TBC1D19: variants seen among roughly 807,000 people sequenced by gnomAD.
TBC1D19 encodes TBC1 domain family member 19, also known as TBC1 domain family, member 19.
TBC1D19 carries 60 observed loss-of-function variants against 89.0 expected under a neutral mutation model. The observed-to-expected ratio is 0.67, with a 90% CI of 0.55 to 0.84. The LOEUF is 0.84. Ranked by LOEUF, TBC1D19 falls within the 40% of genes least tolerant of loss-of-function variation. The probability of loss-of-function intolerance (pLI) is 0.00; values close to 1 mark genes in which losing one functional copy is unlikely to be tolerated. For synonymous variants in TBC1D19, 189 were observed against 199.7 expected, an observed-to-expected ratio of 0.95 and a Z score of 0.45; for missense variants, 500 against 610.8, an observed-to-expected ratio of 0.82 and a Z score of 1.91.
the TBC1D19 span, among the ~76,000 whole-genome samples, chr4:26,854,930 G>C: frequency 1.3e-5 from 2 of 152,106 alleles, no homozygotes; most frequent in African/African-American, 2.4e-5. Flanking sequence ...TGAAAAGTGC[G>C]GGCGAGTTTG....
At chr4:26,577,019 G>A (rs1738988051) in intron 1 of TBC1D19, among the ~76,000 whole-genome samples, 1 of 152,152 alleles carries the variant, frequency 6.6e-6, no homozygotes, top group Admixed American at 6.5e-5. Flanking sequence ...CATAATGTGG[G>A]TGGGACTCAT....
the TBC1D19 span, among the ~76,000 whole-genome samples, chr4:26,801,207 G>T: frequency 6.6e-6 from 1 of 152,130 alleles, no homozygotes; most frequent in African/African-American, 2.4e-5. Flanking sequence ...AAGGGATCCA[G>T]TTTCAGCTTT....
At chr4:26,793,839 C>G in the TBC1D19 span, among the ~76,000 whole-genome samples, 1 of 152,058 alleles carries the variant, frequency 6.6e-6, no homozygotes, top group African/African-American at 2.4e-5. Flanking sequence ...TAGCCTCTGA[C>G]AGTTCCGGAT....
the TBC1D19 span, among the ~76,000 whole-genome samples, chr4:26,776,987 A>G: frequency 6.6e-6 from 1 of 151,976 alleles, no homozygotes; most frequent in South Asian, 2.1e-4. Flanking sequence ...AAATTTTTTT[A>G]TTTCAAGAAC....
the TBC1D19 span, among the ~76,000 whole-genome samples, chr4:26,847,255 T>C: frequency 6.6e-6 from 1 of 152,190 alleles, no homozygotes; most frequent in Non-Finnish European, 1.5e-5. Context: ...AAGCAATCTA[T>C]ACTATTTTAG....
intron 12 of TBC1D19, 125 bp downstream of exon 12, chr4:26,683,874 G>T: frequency 1.4e-6 from 1 of 713,210 alleles, no homozygotes; most frequent in Non-Finnish European, 2.1e-6. Flanking sequence ...TAAGTGATTA[G>T]ATTTATACAT....
At chr4:26,603,131 A>G (rs560583231) in intron 1 of TBC1D19, among the ~76,000 whole-genome samples, 1 of 152,324 alleles carries the variant, frequency 6.6e-6, no homozygotes, top group African/African-American at 2.4e-5. Flanking sequence ...TATGTTGCCA[A>G]CGATAAAATT....
the TBC1D19 span, among the ~76,000 whole-genome samples, chr4:26,845,646 C>T: frequency 6.6e-6 from 1 of 152,128 alleles, no homozygotes; most frequent in Non-Finnish European, 1.5e-5. Context: ...TAAAGACATA[C>T]CTGAGACTGG....
intron 11 of TBC1D19, among the ~76,000 whole-genome samples, chr4:26,681,933 G>T (rs1202265437): frequency 6.6e-6 from 1 of 152,106 alleles, no homozygotes; most frequent in African/African-American, 2.4e-5. Flanking sequence ...ATAGGTATAA[G>T]CATGGAAGAA....
At chr4:26,578,492 A>T (rs147135885) in intron 1 of TBC1D19, among the ~76,000 whole-genome samples, 1 of 152,308 alleles carries the variant, frequency 6.6e-6, no homozygotes, top group Non-Finnish European at 1.5e-5. Flanking sequence ...GGTGAAAGGC[A>T]TGTAAGTTTC....
At chr4:26,817,395 TA>T in the TBC1D19 span, among the ~76,000 whole-genome samples, 25 of 152,262 alleles carry the variant, frequency 1.6e-4, no homozygotes, top group Middle Eastern at 3.4e-3. Context: ...TAATAGGCAT[TA>T]GTGTTGTTTT....
the TBC1D19 span, among the ~76,000 whole-genome samples, chr4:26,833,567 A>C: frequency 6.6e-6 from 1 of 152,240 alleles, no homozygotes; most frequent in Non-Finnish European, 1.5e-5. Context: ...TGAGATTTAA[A>C]TCTTAAGCAA....
chr4:26,783,966 A>G, the TBC1D19 span, among the ~76,000 whole-genome samples: 1 of 152,132 alleles, frequency 6.6e-6, no homozygotes, highest in East Asian at 1.9e-4. Context: ...GGTGGTTGCC[A>G]TCTCCAGAAC....
chr4:26,579,884 G>A (rs1036171593), upstream of TBC1D19, among the ~76,000 whole-genome samples: 11 of 152,176 alleles, frequency 7.2e-5, no homozygotes, highest in African/African-American at 2.2e-4. Flanking sequence ...TCGAGACTGC[G>A]GCGATAAGCC....
the TBC1D19 span, among the ~76,000 whole-genome samples, chr4:26,817,475 TTCAACTTTTTTTACAAC>T: frequency 6.6e-6 from 1 of 152,122 alleles, no homozygotes; most frequent in Non-Finnish European, 1.5e-5. Context: ...GGAGGAGCTG[TTCAACTTTTTTTACAAC>T]TCACTTTTTT....
chr4:26,709,460 C>T (rs1018743599), intron 13 of TBC1D19, among the ~76,000 whole-genome samples: 6 of 151,944 alleles, frequency 3.9e-5, no homozygotes, highest in Non-Finnish European at 7.4e-5. Flanking sequence ...TTCCTTCCTC[C>T]GATCTTCACC....
At chr4:26,695,667 A>C (rs1260281016) in intron 13 of TBC1D19, among the ~76,000 whole-genome samples, 3 of 152,236 alleles carry the variant, frequency 2.0e-5, no homozygotes, top group South Asian at 2.1e-4. Flanking sequence ...CTCTCGGCAG[A>C]AACTCTACAA....
chr4:26,738,182 G>C (rs991044400), intron 16 of TBC1D19, among the ~76,000 whole-genome samples: 3 of 151,376 alleles, frequency 2.0e-5, no homozygotes, highest in Middle Eastern at 7.0e-3. Flanking sequence ...ATAAACAACT[G>C]TGGTATCTTG....
At chr4:26,718,058 T>A in intron 14 of TBC1D19, 41 bp downstream of exon 14, 1 of 1,438,664 alleles carries the variant, frequency 7.0e-7, no homozygotes, top group Non-Finnish European at 9.7e-7. Flanking sequence ...AAGACTTACA[T>A]AATCATGCCA....
Sources: allele counts gnomAD v4.1 joint callset (sites outside exome capture counted in the v4.1 genomes callset), GRCh38; gene constraint gnomAD v4.1.1; transcripts MANE v1.5; gene names NCBI Gene and HGNC (gene_info 2026-07-23, HGNC 2026-07-21).